CSMD1: variants seen among roughly 807,000 people sequenced by gnomAD.
CSMD1 encodes the protein CUB and sushi domain-containing protein 1.
CSMD1 carries 213 observed loss-of-function variants against 417.5 expected under a neutral mutation model. The observed-to-expected ratio is 0.51, with a 90% CI of 0.46 to 0.57. The LOEUF (loss-of-function observed/expected upper bound fraction) is 0.57, where lower values mean the gene tolerates loss of function less well. Ranked by LOEUF, CSMD1 falls within the 20% of genes least tolerant of loss-of-function variation. CSMD1 has a pLI of 0.00. For synonymous variants in CSMD1, 2,862 were observed against 1,736.8 expected (o/e 1.65, Z -16.11); for missense variants, 6,923 against 4,529.7 (o/e 1.53, Z -15.17).
chr8:4,317,583 A>AAGAGAGAGAGAGGAGAGAGGGGAG (rs1799006782), intron 3 of CSMD1, among the ~76,000 whole-genome samples: 5 of 151,896 alleles, frequency 3.3e-5, no homozygotes, highest in African/African-American at 9.7e-5. Flanking sequence ...GTCAGTACTC[A>AAGAGAGAGAGAGGAGAGAGGGGAG]AGAGAGAGAG....
chr8:4,934,100 C>A (rs886149832), intron 1 of CSMD1, among the ~76,000 whole-genome samples: 2 of 152,064 alleles, frequency 1.3e-5, no homozygotes, highest in East Asian at 1.9e-4. Context: ...AGGCGGCAGC[C>A]GTGAGCACCA....
chr8:3,701,802 T>C (rs1190814170), intron 7 of CSMD1, among the ~76,000 whole-genome samples: 1 of 152,168 alleles, frequency 6.6e-6, no homozygotes, highest in Non-Finnish European at 1.5e-5. Context: ...AAAACAGAGA[T>C]ACAAGTTTTA....
intron 2 of CSMD1, among the ~76,000 whole-genome samples, chr8:4,479,804 A>T (rs961961508): frequency 6.6e-6 from 1 of 151,834 alleles, no homozygotes; most frequent in Non-Finnish European, 1.5e-5. Flanking sequence ...TCTCTACTGA[A>T]AACACAAAAA....
At chr8:4,061,266 G>A (rs1309737622) in intron 3 of CSMD1, among the ~76,000 whole-genome samples, 1 of 152,124 alleles carries the variant, frequency 6.6e-6, no homozygotes, top group African/African-American at 2.4e-5. Context: ...CACAGGCATG[G>A]AATATTGACT....
chr8:4,920,772 A>G (rs1447076637), intron 1 of CSMD1, among the ~76,000 whole-genome samples: 1 of 151,664 alleles, frequency 6.6e-6, no homozygotes, highest in Non-Finnish European at 1.5e-5. Context: ...GCACCAAGCC[A>G]AGATTGTGCC....
At chr8:3,588,462 C>T (rs2117011645) in intron 8 of CSMD1, among the ~76,000 whole-genome samples, 1 of 152,132 alleles carries the variant, frequency 6.6e-6, no homozygotes, top group Non-Finnish European at 1.5e-5. Flanking sequence ...GTGTAATATT[C>T]CAGGGGAGTT....
intron 12 of CSMD1, among the ~76,000 whole-genome samples, chr8:3,412,598 C>A (rs1231093130): frequency 6.6e-6 from 1 of 152,142 alleles, no homozygotes; most frequent in South Asian, 2.1e-4. Context: ...AGCACACACA[C>A]AAAATGCAGA....
intron 3 of CSMD1, among the ~76,000 whole-genome samples, chr8:4,401,037 C>T (rs540233047): frequency 1.1e-4 from 17 of 152,028 alleles, no homozygotes; most frequent in South Asian, 6.2e-4. Flanking sequence ...AGTTAATATA[C>T]GCTGAGCATG....
chr8:3,664,235 C>G (rs1408340259), intron 7 of CSMD1, among the ~76,000 whole-genome samples: 1 of 152,116 alleles, frequency 6.6e-6, no homozygotes, highest in Non-Finnish European at 1.5e-5. Context: ...ACTCTGTGTT[C>G]AAGTGTTCTC....
chr8:3,009,153 C>A (rs1037091853), intron 52 of CSMD1, among the ~76,000 whole-genome samples: 2 of 152,188 alleles, frequency 1.3e-5, no homozygotes, highest in Non-Finnish European at 2.9e-5. Flanking sequence ...GGATCTCTCC[C>A]CTCTCACCAG....
intron 3 of CSMD1, among the ~76,000 whole-genome samples, chr8:4,065,738 C>G (rs538700518): frequency 2.0e-5 from 3 of 152,172 alleles, no homozygotes; most frequent in Non-Finnish European, 4.4e-5. Context: ...TAGGCTCTAT[C>G]ACCAAACACA....
chr8:3,255,460 C>G (rs1361490322), intron 26 of CSMD1, among the ~76,000 whole-genome samples: 1 of 152,194 alleles, frequency 6.6e-6, no homozygotes, highest in Non-Finnish European at 1.5e-5. Flanking sequence ...TGCCCTGCCC[C>G]CAGAGGTGGA....
At chr8:4,826,321 G>GTA (rs1392127846) in intron 1 of CSMD1, among the ~76,000 whole-genome samples, 4 of 151,848 alleles carry the variant, frequency 2.6e-5, no homozygotes, top group Admixed American at 6.6e-5. Flanking sequence ...GTGTGTGTGT[G>GTA]TATATATACA....
chr8:3,926,407 T>C (rs1809733157), intron 5 of CSMD1, among the ~76,000 whole-genome samples: 1 of 149,594 alleles, frequency 6.7e-6, no homozygotes, highest in South Asian at 2.1e-4. Flanking sequence ...CTGTCTTTTG[T>C]TGAGATATTA....
At chr8:3,984,590 C>T (rs566579744) in intron 5 of CSMD1, among the ~76,000 whole-genome samples, 1 of 150,892 alleles carries the variant, frequency 6.6e-6, no homozygotes, top group Non-Finnish European at 1.5e-5. Context: ...TATTTGGATT[C>T]TTCAAGTAAG....
chr8:4,216,745 C>G (rs1800697256), intron 3 of CSMD1, among the ~76,000 whole-genome samples: 2 of 152,120 alleles, frequency 1.3e-5, no homozygotes, highest in Non-Finnish European at 2.9e-5. Context: ...GTTTTAAGAC[C>G]TTTAAAATTA....
chr8:4,928,931 C>A (rs192473664), intron 1 of CSMD1, among the ~76,000 whole-genome samples: 3 of 151,980 alleles, frequency 2.0e-5, no homozygotes, highest in African/African-American at 4.8e-5. Flanking sequence ...TTTAGCCAGG[C>A]AGGTTGGTAC....
At position 2,938,306 on chromosome 8, in the gene CSMD1, C is replaced by G. The variant is rs1313805584; in HGVS notation, c.*279G>C. Reference sequence around the variant, plus strand: ...TGAGGCATTGAGTATGACGTGTTGGCGCGACGTGGCAGTCTTCCTGGAGTG... The same window carrying G: ...TGAGGCATTGAGTATGACGTGTTGGGGCGACGTGGCAGTCTTCCTGGAGTG... On this transcript the variant is annotated 3_prime_UTR_variant, in exon 70 of 70. Coordinates refer to ENST00000635120, the MANE Select transcript of CSMD1 (RefSeq NM_033225.6). The G allele has an allele frequency of 2.0e-5, 7 of 358,476 alleles. No individual in the cohort carries two copies. Among genetic ancestry groups the G allele is most frequent in the Non-Finnish European group, 3.5e-5 (7 of 199,570 alleles). 22.2% of individuals were successfully genotyped at this position (358,476 alleles called of 1,614,324 possible). A position where few individuals can be genotyped will look rare whatever the true frequency, so the allele number is the denominator to read the frequency against.
intron 15 of CSMD1, among the ~76,000 whole-genome samples, chr8:3,401,185 A>C (rs1343569425): frequency 6.6e-6 from 1 of 152,014 alleles, no homozygotes. Flanking sequence ...CTATATAAGA[A>C]AGACATATGG....
Sources: gnomAD v4.1 joint callset for allele counts (sites outside exome capture counted in the v4.1 genomes callset) on GRCh38, gnomAD v4.1.1 for gene constraint, MANE v1.5 for transcripts, NCBI Gene and HGNC (gene_info 2026-07-23, HGNC 2026-07-21) for gene names.